The following PDZRN4 variants were observed in gnomAD, a reference collection of about 807,000 sequenced individuals.
PDZRN4 encodes the protein PDZ domain containing ring finger 4, also known as PDZ domain-containing RING finger protein 4.
A neutral mutation model predicts 99.0 loss-of-function variants in PDZRN4; 70 were observed. The ratio of observed to expected loss-of-function variants is 0.71; its 90% confidence interval spans 0.58 to 0.86. PDZRN4 has a LOEUF of 0.86. PDZRN4 is among the 40% of genes least tolerant of loss of function. The pLI, the probability that PDZRN4 is intolerant of heterozygous loss-of-function variation, is 0.00. For synonymous variants in PDZRN4, 551 were observed against 501.6 expected (o/e 1.10, Z -1.32); for missense variants, 1,474 against 1,331.2 (o/e 1.11, Z -1.67).
chr12:41,471,083 A>G (rs1276820015), intron 3 of PDZRN4, among the ~76,000 whole-genome samples: 2 of 152,266 alleles, frequency 1.3e-5, no homozygotes, highest in African/African-American at 2.4e-5. Flanking sequence ...CACTATGAAC[A>G]CAGCGGTGGT....
chr12:41,521,284 G>T (rs1224373291), intron 5 of PDZRN4, among the ~76,000 whole-genome samples: 2 of 152,014 alleles, frequency 1.3e-5, no homozygotes, highest in Non-Finnish European at 2.9e-5. Flanking sequence ...GACACCATTT[G>T]CTCTTTTTGC....
chr12:41,512,359 T>C (rs1258596436), intron 5 of PDZRN4, among the ~76,000 whole-genome samples: 1 of 152,006 alleles, frequency 6.6e-6, no homozygotes, highest in Non-Finnish European at 1.5e-5. Context: ...ATAAGAGTGG[T>C]GTTGGACAGG....
intron 3 of PDZRN4, among the ~76,000 whole-genome samples, chr12:41,334,901 T>C (rs1951763228): frequency 6.6e-6 from 1 of 152,118 alleles, no homozygotes; most frequent in Admixed American, 6.6e-5. Context: ...AAAGTCAGAC[T>C]GAAATATATG....
rs1247631392 is a variant in PDZRN4, at chr12:41,574,727, T to G, written c.*837T>G. ...CTATCACTTGTTTCCAATAAAGTTG[T>G]ATTGAAACATTCCCTATAGATCACT... On this transcript the variant is annotated 3_prime_UTR_variant, in exon 10 of 10. Transcript: ENST00000402685. 1 of 152,206 alleles carries G rather than the reference T, an allele frequency of 6.6e-6. No individual in the cohort carries two copies. The highest frequency in any genetic ancestry group is 1.5e-5 in the Non-Finnish European group (1 of 68,030). 9.4% of individuals were successfully genotyped at this position (152,206 alleles called of 1,614,324 possible). A position where few individuals can be genotyped will look rare whatever the true frequency, so the allele number is the denominator to read the frequency against.
chr12:41,517,143 C>T (rs1439279916), intron 5 of PDZRN4, among the ~76,000 whole-genome samples: 1 of 152,008 alleles, frequency 6.6e-6, no homozygotes, highest in Non-Finnish European at 1.5e-5. Flanking sequence ...TGTCTTTTGC[C>T]TCACTGATTG....
At chr12:41,348,294 G>A (rs1951868686) in intron 3 of PDZRN4, among the ~76,000 whole-genome samples, 1 of 152,000 alleles carries the variant, frequency 6.6e-6, no homozygotes, top group South Asian at 2.1e-4. Context: ...AACTCTGGGG[G>A]CCCCTGGGAC....
chr12:41,538,322 T>A (rs1938784715), intron 5 of PDZRN4, among the ~76,000 whole-genome samples: 1 of 152,194 alleles, frequency 6.6e-6, no homozygotes, highest in African/African-American at 2.4e-5. Context: ...TTTGTGATCA[T>A]TTTGCTTTTT....
intron 3 of PDZRN4, among the ~76,000 whole-genome samples, chr12:41,203,525 T>C (rs1430219325): frequency 6.6e-6 from 1 of 151,992 alleles, no homozygotes; most frequent in Admixed American, 6.6e-5. Flanking sequence ...CTAATAATTA[T>C]TGGTTATTAT....
intron 3 of PDZRN4, among the ~76,000 whole-genome samples, chr12:41,318,496 T>C (rs1317086877): frequency 6.6e-6 from 1 of 152,198 alleles, no homozygotes; most frequent in Non-Finnish European, 1.5e-5. Context: ...ATTAATACAT[T>C]GTGGTGTCTC....
rs147436443 is a variant in PDZRN4 at position 41,432,506 on chromosome 12, C to T, written c.844-73950C>T. Among the ~76,000 whole-genome samples, 527 of 152,298 alleles carry T rather than the reference C, an allele frequency of 3.5e-3. 2 individuals are homozygous for T. Among genetic ancestry groups the T allele is most frequent in the African/African-American group, 0.012 (496 of 41,576 alleles). On this transcript the variant is annotated intron_variant, in intron 3 of 9. Coordinates refer to ENST00000402685, the MANE Select transcript of PDZRN4 (RefSeq NM_001164595.2). ...CATGCTGTCATCCCCCAGTTACACT[C>T]ATTAATTCAATATATGTTTATTAAA... is the stretch of plus-strand genomic sequence containing the variant.
chr12:41,378,999 T>G (rs146738914), intron 3 of PDZRN4, among the ~76,000 whole-genome samples: 19 of 152,302 alleles, frequency 1.2e-4, no homozygotes, highest in African/African-American at 2.4e-4. Context: ...AGGTGCTATA[T>G]GGTTTGGGCT....
intron 3 of PDZRN4, among the ~76,000 whole-genome samples, chr12:41,382,617 G>A (rs1314185932): frequency 6.6e-6 from 1 of 152,142 alleles, no homozygotes; most frequent in Non-Finnish European, 1.5e-5. Context: ...GTTTACATAT[G>A]TACTAATCAG....
At chr12:41,572,298 A>G (rs1481714257) in intron 9 of PDZRN4, 66 bp from the exon 10 acceptor site, 4 of 1,397,734 alleles carry the variant, frequency 2.9e-6, no homozygotes, top group Admixed American at 4.4e-5. Flanking sequence ...TTCAAACAAG[A>G]TTTTTAATAA....
At chr12:41,398,033 A>G (rs952583607) in intron 3 of PDZRN4, among the ~76,000 whole-genome samples, 2 of 152,130 alleles carry the variant, frequency 1.3e-5, no homozygotes, top group Non-Finnish European at 2.9e-5. Flanking sequence ...ACCTGTTTGG[A>G]TCTCTGAGAT....
Position 41,573,720 on chromosome 12 carries a change from G to C in PDZRN4, c.2941G>C (p.Gly981Arg), listed in dbSNP as rs757151865. 6 of 1,613,692 alleles carry C rather than the reference G, an allele frequency of 3.7e-6. No homozygotes were observed. The highest frequency in any genetic ancestry group is 5.1e-6 in the Non-Finnish European group (6 of 1,179,950). Residue 981 changes from glycine (G) to arginine (R), a missense_variant, in exon 10 of 10, where the codon GGC (glycine) becomes CGC (arginine). By Grantham distance (125) the Gly-to-Arg change is moderately radical. Coordinates refer to ENST00000402685, the MANE Select transcript of PDZRN4 (RefSeq NM_001164595.2). ...LKESPQSGSE[G>R]KKEINIIELS... ...GGAGAGCCCTCAGAGCGGCAGTGAG[G>C]GCAAGAAGGAGATCAATATCATTGA...
intron 3 of PDZRN4, among the ~76,000 whole-genome samples, chr12:41,406,048 G>A (rs1952346291): frequency 6.6e-6 from 1 of 151,890 alleles, no homozygotes; most frequent in Admixed American, 6.6e-5. Flanking sequence ...ACCAGCACAT[G>A]TACCCTCTGT....
intron 3 of PDZRN4, among the ~76,000 whole-genome samples, chr12:41,491,749 T>G (rs1340156619): frequency 6.6e-6 from 1 of 151,170 alleles, no homozygotes; most frequent in East Asian, 1.9e-4. Context: ...AAATTACACA[T>G]TATATTATAA....
intron 3 of PDZRN4, among the ~76,000 whole-genome samples, chr12:41,216,838 C>T (rs1178474773): frequency 6.6e-6 from 1 of 151,900 alleles, no homozygotes; most frequent in Non-Finnish European, 1.5e-5. Flanking sequence ...AAAATAATCA[C>T]CAAATCAACC....
At chr12:41,261,442 T>G (rs1238515687) in intron 3 of PDZRN4, among the ~76,000 whole-genome samples, 1 of 152,174 alleles carries the variant, frequency 6.6e-6, no homozygotes, top group Admixed American at 6.6e-5. Context: ...TTAAAGAAAT[T>G]AGATTTCATT....
Sources: allele counts gnomAD v4.1 joint callset (sites outside exome capture counted in the v4.1 genomes callset), GRCh38; gene constraint gnomAD v4.1.1; transcripts MANE v1.5; gene names NCBI Gene and HGNC (gene_info 2026-07-23, HGNC 2026-07-21).